The following DGKB variants were observed in gnomAD, a reference collection of about 807,000 sequenced individuals.
DGKB encodes the protein 90 kDa diacylglycerol kinase.
Under a neutral mutation model 114.3 loss-of-function variants are expected in DGKB, and 67 were observed. The observed-to-expected ratio is 0.59, with a 90% CI of 0.48 to 0.72. The LOEUF is 0.72. Ranked by LOEUF, DGKB falls within the 30% of genes least tolerant of loss-of-function variation. The probability of loss-of-function intolerance (pLI) is 0.00; values close to 1 mark genes in which losing one functional copy is unlikely to be tolerated. For synonymous variants in DGKB, 398 were observed against 323.1 expected (o/e 1.23, Z -2.49); for missense variants, 907 against 975.2 (o/e 0.93, Z 0.93).
intron 1 of DGKB, among the ~76,000 whole-genome samples, chr7:14,932,552 G>A (rs982664567): frequency 6.6e-6 from 1 of 152,096 alleles, no homozygotes; most frequent in African/African-American, 2.4e-5. Flanking sequence ...ACTTTTAAAA[G>A]TACATTACTT....
At chr7:14,407,192 CG>C (rs1824079600) in intron 21 of DGKB, among the ~76,000 whole-genome samples, 1 of 152,058 alleles carries the variant, frequency 6.6e-6, no homozygotes, top group Non-Finnish European at 1.5e-5. Context: ...TCTAGTTCAA[CG>C]GTTCCAGGAA....
intron 13 of DGKB, among the ~76,000 whole-genome samples, chr7:14,653,296 G>A (rs555057082): frequency 3.3e-4 from 50 of 151,758 alleles, no homozygotes; most frequent in Non-Finnish European, 4.3e-4. Flanking sequence ...AAAATGTGGC[G>A]CATATACACC....
At chr7:14,225,880 T>G (rs1440551093) in intron 23 of DGKB, among the ~76,000 whole-genome samples, 1 of 151,948 alleles carries the variant, frequency 6.6e-6, no homozygotes, top group Non-Finnish European at 1.5e-5. Flanking sequence ...TATTTACTAC[T>G]TAAAAATTTA....
intron 1 of DGKB, among the ~76,000 whole-genome samples, chr7:14,847,426 T>C (rs1036939280): frequency 6.6e-6 from 1 of 151,502 alleles, no homozygotes; most frequent in Non-Finnish European, 1.5e-5. Context: ...AAATAAAAAC[T>C]ACAGAATTGC....
chr7:14,966,226 C>T (rs951467879), intron 1 of DGKB, among the ~76,000 whole-genome samples: 9 of 151,958 alleles, frequency 5.9e-5, no homozygotes, highest in Admixed American at 2.0e-4. Flanking sequence ...AATTTGTCCC[C>T]CTAGTTAGAC....
chr7:14,340,966 G>C (rs912107314), intron 22 of DGKB, among the ~76,000 whole-genome samples: 1 of 150,302 alleles, frequency 6.7e-6, no homozygotes, highest in Non-Finnish European at 1.5e-5. Flanking sequence ...CAGAAAAGGA[G>C]AGCATGTTGC....
intron 23 of DGKB, among the ~76,000 whole-genome samples, chr7:14,220,135 T>C (rs1274035808): frequency 6.6e-6 from 1 of 151,650 alleles, no homozygotes. Context: ...TTTACTGTAC[T>C]GAATACTGTA....
intron 23 of DGKB, among the ~76,000 whole-genome samples, chr7:14,279,651 G>T (rs530974138): frequency 6.6e-6 from 1 of 152,210 alleles, no homozygotes; most frequent in African/African-American, 2.4e-5. Context: ...TTCCCTTTGA[G>T]GGTAACCCGA....
intron 23 of DGKB, among the ~76,000 whole-genome samples, chr7:14,200,182 T>G (rs1785622566): frequency 6.6e-6 from 1 of 152,094 alleles, no homozygotes; most frequent in African/African-American, 2.4e-5. Context: ...TACTTTCTCT[T>G]ATGTTGCCAG....
intron 12 of DGKB, among the ~76,000 whole-genome samples, chr7:14,680,165 C>T (rs1043693630): frequency 1.3e-4 from 20 of 151,896 alleles, no homozygotes; most frequent in Middle Eastern, 6.8e-3. Flanking sequence ...GCCTTAACTC[C>T]ACCAGAGATC....
intron 23 of DGKB, among the ~76,000 whole-genome samples, chr7:14,313,582 A>C (rs567979439): frequency 6.6e-6 from 1 of 152,320 alleles, no homozygotes; most frequent in African/African-American, 2.4e-5. Flanking sequence ...GACGGGCTTA[A>C]AAAACAGCGC....
intron 23 of DGKB, among the ~76,000 whole-genome samples, chr7:14,217,231 A>C (rs1024389559): frequency 1.3e-5 from 2 of 151,756 alleles, no homozygotes; most frequent in Non-Finnish European, 2.9e-5. Flanking sequence ...AGAATAATTC[A>C]GTTTTATCTA....
chr7:14,313,372 T>C (rs1284702645), intron 23 of DGKB, among the ~76,000 whole-genome samples: 2 of 151,924 alleles, frequency 1.3e-5, no homozygotes, highest in East Asian at 3.9e-4. Context: ...CGGGTTCATC[T>C]CACTAGGGAG....
intron 23 of DGKB, among the ~76,000 whole-genome samples, chr7:14,208,649 T>C (rs1010006783): frequency 2.0e-5 from 3 of 152,048 alleles, no homozygotes; most frequent in Non-Finnish European, 4.4e-5. Flanking sequence ...ACGAGAATAG[T>C]TGCATTAATT....
intron 1 of DGKB, among the ~76,000 whole-genome samples, chr7:14,932,814 A>C (rs1458809896): frequency 6.6e-6 from 1 of 152,188 alleles, no homozygotes; most frequent in Non-Finnish European, 1.5e-5. Flanking sequence ...TGACCACCAA[A>C]GGGCTTCCAG....
At chr7:14,920,008 TC>T (rs1294437472) in intron 1 of DGKB, among the ~76,000 whole-genome samples, 11 of 152,296 alleles carry the variant, frequency 7.2e-5, no homozygotes, top group African/African-American at 2.2e-4. Context: ...AATTACCCTG[TC>T]TCAGGTATTC....
chr7:14,682,504 G>A (rs368607188), intron 12 of DGKB, 49 bp downstream of exon 12: 238 of 1,245,390 alleles, frequency 1.9e-4, no homozygotes, highest in Non-Finnish European at 2.5e-4. Flanking sequence ...TGATATACAC[G>A]TCTTCAGTGT....
intron 23 of DGKB, among the ~76,000 whole-genome samples, chr7:14,320,179 T>G (rs893985647): frequency 1.3e-5 from 2 of 152,176 alleles, no homozygotes; most frequent in Non-Finnish European, 2.9e-5. Flanking sequence ...CCAGCAGTGG[T>G]GGGAACAACA....
intron 20 of DGKB, among the ~76,000 whole-genome samples, chr7:14,564,368 T>C (rs865947321): frequency 3.3e-5 from 5 of 152,204 alleles, no homozygotes; most frequent in Admixed American, 6.5e-5. Context: ...ATGCTGTGCC[T>C]GGGCCTGGTC....
Sources: allele counts gnomAD v4.1 joint callset (sites outside exome capture counted in the v4.1 genomes callset), GRCh38; gene constraint gnomAD v4.1.1; transcripts MANE v1.5; gene names NCBI Gene and HGNC (gene_info 2026-07-23, HGNC 2026-07-21).